HMCN2: variants seen among roughly 807,000 people sequenced by gnomAD.
HMCN2 encodes the protein hemicentin-2.
A neutral mutation model predicts 377.5 loss-of-function variants in HMCN2; 325 were observed. The observed-to-expected ratio is 0.86, with a 90% CI of 0.79 to 0.94. The LOEUF (loss-of-function observed/expected upper bound fraction) is 0.94, where lower values mean the gene tolerates loss of function less well. HMCN2 is among the 40% of genes least tolerant of loss of function. The pLI is 0.00. For synonymous variants in HMCN2, 2,007 were observed against 2,046.8 expected (o/e 0.98, Z 0.53); for missense variants, 4,543 against 4,725.3 (o/e 0.96, Z 1.13).
chr9:130,323,349 T>C (rs1837950534), intron 19 of HMCN2, among the ~76,000 whole-genome samples: 2 of 152,126 alleles, frequency 1.3e-5, no homozygotes, highest in Non-Finnish European at 2.9e-5. Flanking sequence ...TAGTTACCCC[T>C]CTCTCGCTCC....
chr9:130,413,165 A>C (rs1843515023), intron 85 of HMCN2, among the ~76,000 whole-genome samples: 1 of 152,220 alleles, frequency 6.6e-6, no homozygotes, highest in Non-Finnish European at 1.5e-5. Flanking sequence ...TAATATGTAG[A>C]GATACAGTTG....
intron 1 of HMCN2, among the ~76,000 whole-genome samples, chr9:130,273,506 T>A (rs1451965490): frequency 1.3e-5 from 2 of 152,196 alleles, no homozygotes; most frequent in Admixed American, 1.3e-4. Context: ...TGCTTTTTTT[T>A]TTTATTTTTG....
At chr9:130,373,731 A>G (rs796264029) in intron 48 of HMCN2, among the ~76,000 whole-genome samples, 1,552 of 20,878 alleles carry the variant, frequency 0.074, 6 homozygotes, top group Non-Finnish European at 0.19. Flanking sequence ...ATGGATGGAT[A>G]GGTAGGTGGA....
At chr9:130,398,358 T>C (rs1312927135) in intron 74 of HMCN2, among the ~76,000 whole-genome samples, 193 bp from the exon 75 acceptor site, 1 of 152,010 alleles carries the variant, frequency 6.6e-6, no homozygotes, top group Non-Finnish European at 1.5e-5. Flanking sequence ...GGTGCCAGGC[T>C]CAGGGATGGG....
In HMCN2 at chr9:130,351,603, C is replaced by G. The variant is rs749329234; in HGVS notation, c.4585+26C>G. The G allele has an allele frequency of 1.5e-6, 2 of 1,291,808 alleles. No homozygotes were observed. The highest frequency in any genetic ancestry group is 2.0e-6 in the Non-Finnish European group (2 of 980,274). The allele number at this position is 1,291,808 out of a possible 1,614,324, so 80.0% of individuals were successfully genotyped here. A position where few individuals can be genotyped will look rare whatever the true frequency, so the allele number is the denominator to read the frequency against. On this transcript the variant is annotated intron_variant, in intron 30 of 97. Coordinates refer to ENST00000683500, the MANE Select transcript of HMCN2 (RefSeq NM_001291815.2). The surrounding 1 kb of genome is among the most constrained non-coding windows in gnomAD (Gnocchi z 5.4). ...GTGAGCCCCCACGCCTTCTGGGACCCCGCCACAGGCTACTCAGGAAGCTTC... is the reference window on the plus strand; with the variant it reads ...GTGAGCCCCCACGCCTTCTGGGACCGCGCCACAGGCTACTCAGGAAGCTTC...
At chr9:130,268,084 T>C (rs1834219714) in intron 1 of HMCN2, among the ~76,000 whole-genome samples, 1 of 152,200 alleles carries the variant, frequency 6.6e-6, no homozygotes, top group South Asian at 2.1e-4. Flanking sequence ...CCCACATTTG[T>C]CTCTGAAATA....
Position 130,304,001 on chromosome 9 carries a change from A to G in HMCN2, c.1543+393A>G, listed in dbSNP as rs1327737845. Among the ~76,000 whole-genome samples the G allele has an allele frequency of 3.3e-5, 5 of 152,172 alleles. No individual in the cohort carries two copies. Among genetic ancestry groups the G allele is most frequent in the African/African-American group, 1.2e-4 (5 of 41,436 alleles). On this transcript the variant is annotated intron_variant, in intron 10 of 97. Transcript: ENST00000683500. This position sits in a 1 kb window ranked among gnomAD's most constrained non-coding sequence, Gnocchi z 4.3. ...ATACACCACAGACTGTCTCCAAATG[A>G]AATTGGCTTTATTTGAAAAATTACG...
intron 14 of HMCN2, 64 bp from the exon 15 acceptor site, chr9:130,309,848 C>T: frequency 5.4e-6 from 2 of 371,016 alleles, no homozygotes; most frequent in South Asian, 4.1e-5. Context: ...CAGGCTCCCA[C>T]CTCCCACCCT....
chr9:130,268,306 T>C (rs1834230215), intron 1 of HMCN2, among the ~76,000 whole-genome samples: 1 of 152,150 alleles, frequency 6.6e-6, no homozygotes, highest in Non-Finnish European at 1.5e-5. Flanking sequence ...GCCCCCTCAC[T>C]CCATCCTCTA....
intron 59 of HMCN2, 121 bp downstream of exon 59, chr9:130,384,919 C>G (rs1005381156): frequency 1.4e-5 from 8 of 576,192 alleles, no homozygotes; most frequent in Non-Finnish European, 2.3e-5. Context: ...GGCTGGGACG[C>G]CCGCACAGAT....
intron 41 of HMCN2, 109 bp downstream of exon 41, chr9:130,364,998 G>C (rs1215634700): frequency 1.5e-6 from 1 of 648,430 alleles, no homozygotes; most frequent in Non-Finnish European, 1.9e-6. Context: ...CCCCTCAGGG[G>C]ATGGAGGACA....
intron 54 of HMCN2, among the ~76,000 whole-genome samples, 177 bp from the exon 55 acceptor site, chr9:130,382,007 C>T (rs543699966): frequency 9.9e-5 from 15 of 152,238 alleles, no homozygotes; most frequent in African/African-American, 3.1e-4. Flanking sequence ...GTGGCTGTAC[C>T]CTGACTTGAC....
rs1588457237 is a variant in HMCN2, at chr9:130,432,557, T to G, written c.14894+2T>G. On this transcript the variant is annotated splice_donor_variant, in intron 97 of 97. Transcript: ENST00000683500. LOFTEE classifies it high-confidence loss of function. ...CTACCGGCAGGGCCCCAGCCCTGGGTAAGGGCTGAGTTGGCAGGGCCTCGT... is the reference window on the plus strand; with the variant it reads ...CTACCGGCAGGGCCCCAGCCCTGGGGAAGGGCTGAGTTGGCAGGGCCTCGT... 3 of 1,550,086 alleles carry G rather than the reference T, an allele frequency of 1.9e-6. No individual in the cohort carries two copies. Among genetic ancestry groups the G allele is most frequent in the Non-Finnish European group, 2.6e-6 (3 of 1,146,766 alleles).
chr9:130,367,315 A>G (rs967673146), intron 43 of HMCN2, among the ~76,000 whole-genome samples: 1 of 152,124 alleles, frequency 6.6e-6, no homozygotes, highest in Non-Finnish European at 1.5e-5. Flanking sequence ...GGTCTGGGCT[A>G]GGAAGCAGCC....
rs960065927 is a variant in HMCN2 at position 130,382,837 on chromosome 9, C to T, written c.8704C>T (p.Gln2902Ter). ...GCCTTTCTCCCCGAGCCCACGGCTG[C>T]AGGTCCTGGAGGACGGGCAAGTCTT... is the stretch of plus-strand genomic sequence containing the variant. ...GLPFSPSPRL[Q>*]VLEDGQVLQV... Residue 2902 changes from glutamine (Q) to a stop codon, truncating the protein, a stop_gained, in exon 56 of 98, where the codon CAG becomes TAG. Transcript: ENST00000683500. LOFTEE classifies it high-confidence loss of function. 3.1e-5 allele frequency: 31 copies of T among 985,778 alleles called. No individual in the cohort carries two copies. The highest frequency in any genetic ancestry group is 3.6e-5 in the Non-Finnish European group (30 of 829,938). The allele number at this position is 985,778 out of a possible 1,614,324, so 61.1% of individuals were successfully genotyped here.
intron 6 of HMCN2, 60 bp from the exon 7 acceptor site, chr9:130,296,614 C>A: frequency 2.2e-6 from 1 of 460,556 alleles, no homozygotes; most frequent in Non-Finnish European, 4.5e-6. Flanking sequence ...TCACCTCCTG[C>A]CCTAAGCTGG....
At chr9:130,287,666 T>C (rs1485551845) in intron 4 of HMCN2, among the ~76,000 whole-genome samples, 3 of 151,744 alleles carry the variant, frequency 2.0e-5, no homozygotes. Context: ...TAAATGTCAC[T>C]AGGCCGTGAA....
rs778263263 is a variant in HMCN2 at position 130,386,481 on chromosome 9, C to T, written c.9348C>T (p.Asn3116=). ...GTTTATACAGCTGTAAAGTCAGCAA[C>T]GTGGCTGGGGAGGCCGTGCGGACCT... is the stretch of plus-strand genomic sequence containing the variant. ...DKGLYSCKVS[N]VAGEAVRTFT... The change falls in exon 61 of 98, where the codon AAC becomes AAT. Residue 3116 remains asparagine, a synonymous_variant. Coordinates refer to ENST00000683500, the MANE Select transcript of HMCN2 (RefSeq NM_001291815.2). 24 of 1,303,850 alleles carry T rather than the reference C, an allele frequency of 1.8e-5. No individual in the cohort carries two copies. Among genetic ancestry groups the T allele is most frequent in the Admixed American group, 1.1e-4 (5 of 43,542 alleles). 80.8% of individuals were successfully genotyped at this position (1,303,850 alleles called of 1,614,324 possible). A position where few individuals can be genotyped will look rare whatever the true frequency, so the allele number is the denominator to read the frequency against.
chr9:130,396,868 G>A (rs1842631943), intron 73 of HMCN2, among the ~76,000 whole-genome samples: 1 of 152,236 alleles, frequency 6.6e-6, no homozygotes, highest in Non-Finnish European at 1.5e-5. Context: ...CTGCTCTCAG[G>A]AAGAGCAGGG....
Sources: gnomAD v4.1 joint callset for allele counts (sites outside exome capture counted in the v4.1 genomes callset) on GRCh38, gnomAD v4.1.1 for gene constraint, Gnocchi (gnomAD v3.1) non-coding constraint, MANE v1.5 for transcripts, NCBI Gene and HGNC (gene_info 2026-07-23, HGNC 2026-07-21) for gene names.